ENTREP2: variants seen among roughly 807,000 people sequenced by gnomAD.
ENTREP2 encodes endosomal transmembrane epsin interactor 2.
the ENTREP2 span, chr15:29,452,777 T>C: frequency 6.7e-6 from 1 of 149,108 alleles, no homozygotes; most frequent in Non-Finnish European, 1.5e-5. Flanking sequence ...ATTTAACTGG[T>C]GTCTCAACAT....
At chr15:29,234,162 C>T in the ENTREP2 span, 2 of 1,591,070 alleles carry the variant, frequency 1.3e-6, no homozygotes, top group East Asian at 2.2e-5. Context: ...CGTTCACTCT[C>T]AGGCCTTGAT....
At chr15:29,386,317 G>A in the ENTREP2 span, among the ~76,000 whole-genome samples, 1 of 152,136 alleles carries the variant, frequency 6.6e-6, no homozygotes, top group Non-Finnish European at 1.5e-5. Context: ...AACCCTAGAC[G>A]ATGCCGTGGA....
the ENTREP2 span, among the ~76,000 whole-genome samples, chr15:29,592,016 A>G: frequency 1.3e-5 from 2 of 152,236 alleles, no homozygotes; most frequent in African/African-American, 4.8e-5. Context: ...AACAAATTTC[A>G]GAGAAAGCGT....
the ENTREP2 span, among the ~76,000 whole-genome samples, chr15:29,516,529 T>C: frequency 6.6e-6 from 1 of 151,628 alleles, no homozygotes; most frequent in Non-Finnish European, 1.5e-5. Context: ...GTAAAAAGCA[T>C]AAAAACTTGG....
chr15:29,586,395 C>A, the ENTREP2 span, among the ~76,000 whole-genome samples: 1 of 152,146 alleles, frequency 6.6e-6, no homozygotes, highest in Admixed American at 6.5e-5. Flanking sequence ...GTGATGGTTG[C>A]AGAACTCTGT....
the ENTREP2 span, among the ~76,000 whole-genome samples, chr15:29,618,979 C>T: frequency 6.6e-6 from 1 of 152,206 alleles, no homozygotes; most frequent in African/African-American, 2.4e-5. Flanking sequence ...CCCCTGGCTG[C>T]GGCTGGAGTG....
At chr15:29,156,994 G>A in the ENTREP2 span, among the ~76,000 whole-genome samples, 2 of 152,226 alleles carry the variant, frequency 1.3e-5, no homozygotes, top group Non-Finnish European at 2.9e-5. Context: ...CTACTCAGGA[G>A]GCTGAGGCAG....
At chr15:29,563,329 C>T in the ENTREP2 span, among the ~76,000 whole-genome samples, 1 of 152,116 alleles carries the variant, frequency 6.6e-6, no homozygotes, top group Non-Finnish European at 1.5e-5. Flanking sequence ...TCCTTTAATT[C>T]ACTATATCAC....
the ENTREP2 span, among the ~76,000 whole-genome samples, chr15:29,467,586 G>C: frequency 6.6e-6 from 1 of 152,178 alleles, no homozygotes; most frequent in South Asian, 2.1e-4. Context: ...GGCTGTCCTA[G>C]TTATAGGCCC....
the ENTREP2 span, among the ~76,000 whole-genome samples, chr15:29,356,287 TATATATA>T: frequency 5.5e-3 from 325 of 59,308 alleles, 4 homozygotes; most frequent in African/African-American, 0.016. Context: ...TATATATATA[TATATATA>T]TATTTTTTTT....
At chr15:29,293,670 C>G in the ENTREP2 span, among the ~76,000 whole-genome samples, 2 of 152,332 alleles carry the variant, frequency 1.3e-5, no homozygotes, top group South Asian at 4.1e-4. Flanking sequence ...TCTGTCCAGG[C>G]CGTCCCCTCT....
the ENTREP2 span, among the ~76,000 whole-genome samples, chr15:29,426,538 T>C: frequency 6.6e-6 from 1 of 152,202 alleles, no homozygotes; most frequent in African/African-American, 2.4e-5. Context: ...CTCTCCTAAT[T>C]TCCCCATCTT....
At chr15:29,192,517 C>G in the ENTREP2 span, among the ~76,000 whole-genome samples, 1 of 152,184 alleles carries the variant, frequency 6.6e-6, no homozygotes. Flanking sequence ...GGTCACAGGA[C>G]AGCAAATTCT....
the ENTREP2 span, among the ~76,000 whole-genome samples, chr15:29,176,359 G>A: frequency 6.6e-6 from 1 of 152,154 alleles, no homozygotes; most frequent in Non-Finnish European, 1.5e-5. Flanking sequence ...GTAGTTCTCA[G>A]TGTGTGCAGC....
chr15:29,279,370 A>ATT, the ENTREP2 span, among the ~76,000 whole-genome samples: 80 of 144,560 alleles, frequency 5.5e-4, no homozygotes, highest in Middle Eastern at 0.011. Flanking sequence ...TTTAGTTGGG[A>ATT]TTTTTTTTTT....
chr15:29,334,622 G>A, the ENTREP2 span, among the ~76,000 whole-genome samples: 2 of 148,848 alleles, frequency 1.3e-5, no homozygotes, highest in Admixed American at 1.3e-4. Context: ...ACACTGAAAA[G>A]GAACTTTTTG....
the ENTREP2 span, among the ~76,000 whole-genome samples, chr15:29,457,611 T>G: frequency 6.6e-6 from 1 of 152,212 alleles, no homozygotes; most frequent in Admixed American, 6.5e-5. Flanking sequence ...TGGCACCCGC[T>G]GCCAGGGCCC....
the ENTREP2 span, among the ~76,000 whole-genome samples, chr15:29,292,021 A>C: frequency 1.3e-5 from 2 of 152,214 alleles, no homozygotes; most frequent in South Asian, 4.1e-4. Context: ...CCAGGCTCCC[A>C]TCTCATGATC....
At chr15:29,506,278 T>C in the ENTREP2 span, among the ~76,000 whole-genome samples, 3 of 152,060 alleles carry the variant, frequency 2.0e-5, no homozygotes, top group Admixed American at 6.5e-5. Flanking sequence ...AAACCTACGA[T>C]TGATTGGTGT....
Sources: gnomAD v4.1 joint callset for allele counts (sites outside exome capture counted in the v4.1 genomes callset) on GRCh38, gnomAD v4.1.1 for gene constraint, MANE v1.5 for transcripts, NCBI Gene and HGNC (gene_info 2026-07-23, HGNC 2026-07-21) for gene names.